AK5: variants seen among roughly 807,000 people sequenced by gnomAD.
The protein encoded by AK5 is adenylate kinase 5.
Under a neutral mutation model 69.5 loss-of-function variants are expected in AK5, and 27 were observed. That is an observed-to-expected ratio of 0.39 (90% CI 0.29 to 0.54). The LOEUF is 0.54. Ranked by LOEUF, AK5 falls within the 20% of genes least tolerant of loss-of-function variation. The pLI is 0.71. For missense variants in AK5, 531 were observed against 700.4 expected, an observed-to-expected ratio of 0.76 and a Z score of 2.73; for synonymous variants, 260 against 244.4, an observed-to-expected ratio of 1.06 and a Z score of -0.60.
chr1:77,341,226 G>A (rs1661636762), intron 6 of AK5, among the ~76,000 whole-genome samples: 1 of 152,168 alleles, frequency 6.6e-6, no homozygotes, highest in Non-Finnish European at 1.5e-5. Context: ...TTAGAATCTA[G>A]AACATTAGAG....
At chr1:77,434,365 G>A (rs2803150) in intron 8 of AK5, among the ~76,000 whole-genome samples, 150,153 of 152,228 alleles carry the variant, frequency 0.99, 74,084 homozygotes, top group Middle Eastern at 1. Context: ...AATTTACTAA[G>A]TAAACCTAAT....
At chr1:77,416,072 C>T (rs1488441195) in intron 7 of AK5, among the ~76,000 whole-genome samples, 4 of 151,952 alleles carry the variant, frequency 2.6e-5, no homozygotes, top group Non-Finnish European at 5.9e-5. Context: ...CTGATACTTA[C>T]TGCCTCACAA....
chr1:77,319,015 A>G (rs1660387432), intron 5 of AK5, among the ~76,000 whole-genome samples: 1 of 152,198 alleles, frequency 6.6e-6, no homozygotes, highest in Non-Finnish European at 1.5e-5. Flanking sequence ...GGGACAAACA[A>G]CAAAAGATAG....
intron 8 of AK5, among the ~76,000 whole-genome samples, chr1:77,436,954 A>G (rs1324473447): frequency 6.6e-6 from 1 of 152,130 alleles, no homozygotes; most frequent in Non-Finnish European, 1.5e-5. Flanking sequence ...AGTATTACTT[A>G]TCAAGGAATT....
chr1:77,372,866 T>C (rs1160763932), intron 6 of AK5, among the ~76,000 whole-genome samples: 1 of 152,136 alleles, frequency 6.6e-6, no homozygotes, highest in African/African-American at 2.4e-5. Context: ...AATGTGAGCA[T>C]TGACCAGTGA....
chr1:77,402,095 A>C (rs892416967), intron 6 of AK5, among the ~76,000 whole-genome samples: 7 of 152,322 alleles, frequency 4.6e-5, no homozygotes, highest in Middle Eastern at 3.4e-3. Flanking sequence ...AGCTGTGAGC[A>C]ACTTTAGACA....
intron 7 of AK5, among the ~76,000 whole-genome samples, chr1:77,413,934 C>T (rs764481925): frequency 1.3e-5 from 2 of 152,132 alleles, no homozygotes; most frequent in African/African-American, 4.8e-5. Flanking sequence ...TCCCAAATAC[C>T]GTCAGAATAT....
chr1:77,546,938 A>G (rs1241518572), intron 13 of AK5, among the ~76,000 whole-genome samples: 2 of 152,216 alleles, frequency 1.3e-5, no homozygotes, highest in Non-Finnish European at 2.9e-5. Context: ...AGCCACTGAC[A>G]CGTGAAAGCG....
intron 6 of AK5, among the ~76,000 whole-genome samples, chr1:77,372,804 G>A (rs747478746): frequency 6.7e-6 from 1 of 150,294 alleles, no homozygotes; most frequent in Non-Finnish European, 1.5e-5. Flanking sequence ...CATGTGAGAT[G>A]AAAGCATCTT....
intron 2 of AK5, among the ~76,000 whole-genome samples, chr1:77,288,035 A>G (rs1485210524): frequency 1.3e-5 from 2 of 152,264 alleles, no homozygotes; most frequent in South Asian, 2.1e-4. Context: ...AGTTAATTCA[A>G]TAAAAGTGTA....
Position 77,282,155 on chromosome 1 carries a change from TC to T in AK5, c.-156del. The T allele has an allele frequency of 1.8e-6, 1 of 542,710 alleles. No homozygotes were observed. 33.6% of individuals were successfully genotyped at this position (542,710 alleles called of 1,614,324 possible). ...AGCCCCCGGGGAGAGGCGGAGGGGG[TC>T]CCTGGCCTGGGCGGAGAGGCTGAGC... On this transcript the variant is annotated 5_prime_UTR_variant, in exon 1 of 14. Transcript: ENST00000354567.
At chr1:77,326,995 A>G (rs1660838419) in intron 5 of AK5, among the ~76,000 whole-genome samples, 1 of 152,220 alleles carries the variant, frequency 6.6e-6, no homozygotes, top group Non-Finnish European at 1.5e-5. Context: ...TCACATACCA[A>G]TAACAGAATC....
intron 8 of AK5, among the ~76,000 whole-genome samples, chr1:77,460,088 A>G (rs1345101090): frequency 6.6e-6 from 1 of 152,214 alleles, no homozygotes; most frequent in African/African-American, 2.4e-5. Flanking sequence ...AACTTGCACA[A>G]GAATGCAAAT....
Position 77,332,122 on chromosome 1 carries a change from A to G in AK5, c.700-8255A>G, listed in dbSNP as rs1029706287. Among the ~76,000 whole-genome samples, 5 of 152,168 alleles carry G rather than the reference A, an allele frequency of 3.3e-5. No homozygotes were observed. In the South Asian group the frequency reaches 6.2e-4, roughly 19 times the overall value. On this transcript the variant is annotated intron_variant, in intron 5 of 13. Transcript: ENST00000354567. ...TCCCACTGAAATCTGTTCATTTTAT[A>G]TAACATTTCCAAATTGTTTTCATAA...
At chr1:77,549,831 T>C (rs188554359) in intron 13 of AK5, among the ~76,000 whole-genome samples, 134 of 148,008 alleles carry the variant, frequency 9.1e-4, no homozygotes, top group African/African-American at 3.2e-3. Context: ...ACATTTTCTT[T>C]TTTCTTTTTT....
At chr1:77,324,448 G>A (rs1339250882) in intron 5 of AK5, among the ~76,000 whole-genome samples, 2 of 151,916 alleles carry the variant, frequency 1.3e-5, no homozygotes, top group Admixed American at 6.6e-5. Flanking sequence ...GTGGCAAAAA[G>A]ATTTCATCTT....
chr1:77,305,317 T>C (rs886894010), intron 5 of AK5, among the ~76,000 whole-genome samples: 14 of 152,144 alleles, frequency 9.2e-5, no homozygotes, highest in Admixed American at 3.9e-4. Flanking sequence ...TATCCTTTGC[T>C]GTGCAAAAGC....
At chr1:77,516,077 A>G (rs1657625258) in intron 10 of AK5, among the ~76,000 whole-genome samples, 1 of 152,204 alleles carries the variant, frequency 6.6e-6, no homozygotes, top group Non-Finnish European at 1.5e-5. Flanking sequence ...TCAAAGAAAA[A>G]AAAGAAAGAA....
At chr1:77,422,678 G>A (rs1650895341) in intron 8 of AK5, among the ~76,000 whole-genome samples, 1 of 152,078 alleles carries the variant, frequency 6.6e-6, no homozygotes, top group Admixed American at 6.5e-5. Flanking sequence ...ACCTTCTCAG[G>A]GGGCCCGTGA....
Sources: allele counts gnomAD v4.1 joint callset (sites outside exome capture counted in the v4.1 genomes callset), GRCh38; gene constraint gnomAD v4.1.1; transcripts MANE v1.5; gene names NCBI Gene and HGNC (gene_info 2026-07-23, HGNC 2026-07-21).